Variants in CHD9 observed in about 807,000 individuals in gnomAD.
CHD9 encodes ATP-dependent chromatin remodeler CHD9.
CHD9 carries 77 observed loss-of-function variants against 316.1 expected under a neutral mutation model. That is an observed-to-expected ratio of 0.24 (90% CI 0.20 to 0.29). The LOEUF (loss-of-function observed/expected upper bound fraction) is 0.29. Among genes scored for constraint, CHD9 ranks in the 10% least tolerant of loss-of-function variants. The pLI is 1.00. For missense variants in CHD9, 2,763 were observed against 3,438.1 expected (o/e 0.80, Z 4.91); for synonymous variants, 1,129 against 1,158.3 (o/e 0.97, Z 0.51).
chr16:53,207,960 G>T (rs2046014359), intron 2 of CHD9: 1 of 847,834 alleles, frequency 1.2e-6, no homozygotes, highest in Non-Finnish European at 1.4e-6. Context: ...TCCGCAGAAG[G>T]AGTCAGTATT....
intron 11 of CHD9, among the ~76,000 whole-genome samples, chr16:53,236,133 A>G (rs1053047713): frequency 2.0e-5 from 3 of 152,132 alleles, no homozygotes; most frequent in Non-Finnish European, 4.4e-5. Flanking sequence ...ATTTTTCCCA[A>G]GAGAACCATC....
chr16:53,174,586 T>C (rs1260610950), intron 2 of CHD9, among the ~76,000 whole-genome samples: 2 of 152,136 alleles, frequency 1.3e-5, no homozygotes, highest in African/African-American at 4.8e-5. Context: ...TTTTCTGCCC[T>C]TGTACTTTTA....
At position 53,209,540 on chromosome 16, in the gene CHD9, A is replaced by G. The variant is rs1597441893; in HGVS notation, c.1511A>G (p.Gln504Arg). ...ACATATACTAAGTTGCAGAATACCCAGGTGAGGGTCATGTCTGAGAAGAAG... is the reference window on the plus strand; with the variant it reads ...ACATATACTAAGTTGCAGAATACCCGGGTGAGGGTCATGTCTGAGAAGAAG... ...SGTYTKLQNT[Q>R]VRVMSEKKQR... is the part of the protein sequence containing the mutation. The change falls in exon 3 of 39, where the codon CAG becomes CGG. Residue 504 changes from glutamine (Q) to arginine (R), a missense_variant. Transcript: ENST00000447540. 11 of 1,613,794 alleles carry G rather than the reference A, an allele frequency of 6.8e-6. No individual in the cohort carries two copies. In the East Asian group the frequency reaches 2.5e-4, roughly 36 times the overall value.
rs79973035 is a variant in CHD9, at chr16:53,255,635, G to A, written c.4065G>A (p.Leu1355=). The A allele has an allele frequency of 7.4e-4, 1,202 of 1,613,684 alleles. 12 individuals are homozygous for A. The East Asian group carries it at 0.026, about 34-fold the overall frequency. The stretch of plus-strand genomic sequence containing the variant: ...TTTCCAAAAAGGAAATAGAAGATCT[G>A]CTTCGAAGAGGTGCTTATGGTGCTA... ...QQLSKKEIED[L]LRRGAYGAIM... Residue 1355 remains leucine, a synonymous_variant, in exon 19 of 39, where the codon CTG becomes CTA. Transcript: ENST00000447540.
At chr16:53,208,414 A>G (rs781775941) in intron 2 of CHD9, 138 of 1,251,946 alleles carry the variant, frequency 1.1e-4, no homozygotes, top group Non-Finnish European at 1.4e-4. Flanking sequence ...ATGGGATTGA[A>G]TAACCTTCCT....
At chr16:53,102,344 G>T (rs1046284808) in intron 1 of CHD9, among the ~76,000 whole-genome samples, 4 of 152,138 alleles carry the variant, frequency 2.6e-5, no homozygotes, top group Admixed American at 6.5e-5. Context: ...TCCCTGTGTT[G>T]AGTACAGTGT....
intron 19 of CHD9, among the ~76,000 whole-genome samples, chr16:53,259,923 C>T (rs140987686): frequency 6.6e-6 from 1 of 152,310 alleles, no homozygotes; most frequent in African/African-American, 2.4e-5. Flanking sequence ...CAGAATAAAA[C>T]CCTATGAATG....
intron 1 of CHD9, among the ~76,000 whole-genome samples, chr16:53,075,830 A>T (rs1272427110): frequency 6.6e-6 from 1 of 152,108 alleles, no homozygotes; most frequent in East Asian, 1.9e-4. Context: ...TCTTTTGAGG[A>T]CCTGACGTAC....
At chr16:53,097,382 TC>T (rs1238578308) in intron 1 of CHD9, among the ~76,000 whole-genome samples, 42 of 50,886 alleles carry the variant, frequency 8.3e-4, no homozygotes, top group African/African-American at 2.5e-3. Flanking sequence ...CTTCCTTCCT[TC>T]CTTCCTTCCT....
intron 1 of CHD9, among the ~76,000 whole-genome samples, chr16:53,096,125 A>C (rs1270964575): frequency 1.3e-5 from 2 of 150,196 alleles, no homozygotes; most frequent in Non-Finnish European, 2.9e-5. Context: ...TGGCACAATC[A>C]TGGGTCACTG....
chr16:53,141,557 T>G (rs940431009), intron 1 of CHD9, among the ~76,000 whole-genome samples: 4 of 152,232 alleles, frequency 2.6e-5, no homozygotes, highest in African/African-American at 7.2e-5. Context: ...CTTTTGGATC[T>G]TAGCTTTTAG....
chr16:53,278,104 G>A (rs1383172220), intron 24 of CHD9, among the ~76,000 whole-genome samples: 3 of 151,896 alleles, frequency 2.0e-5, no homozygotes, highest in South Asian at 2.1e-4. Flanking sequence ...GAAAGAAATC[G>A]TAGATGACAC....
intron 37 of CHD9, among the ~76,000 whole-genome samples, chr16:53,318,733 C>T (rs1207444953): frequency 6.6e-6 from 1 of 152,098 alleles, no homozygotes; most frequent in Non-Finnish European, 1.5e-5. Flanking sequence ...GGGTAGAAGC[C>T]AGAGATGCTG....
intron 2 of CHD9, among the ~76,000 whole-genome samples, chr16:53,166,920 A>G (rs970862892): frequency 1.3e-5 from 2 of 152,178 alleles, no homozygotes; most frequent in South Asian, 4.1e-4. Flanking sequence ...TCATGGGTTC[A>G]TAGAATTTTT....
chr16:53,278,240 C>T (rs1167288404), intron 24 of CHD9, among the ~76,000 whole-genome samples: 1 of 152,076 alleles, frequency 6.6e-6, no homozygotes, highest in African/African-American at 2.4e-5. Context: ...TCATTCTTCA[C>T]AGAACTAGAG....
At chr16:53,279,934 G>A (rs148848291) in intron 24 of CHD9, among the ~76,000 whole-genome samples, 7 of 152,138 alleles carry the variant, frequency 4.6e-5, no homozygotes, top group East Asian at 3.9e-4. Flanking sequence ...GCCCAATATC[G>A]CTAATGATCA....
At chr16:53,262,876 T>C (rs562680311) in intron 19 of CHD9, 111 bp from the exon 20 acceptor site, 5 of 843,316 alleles carry the variant, frequency 5.9e-6, no homozygotes, top group Non-Finnish European at 9.7e-6. Context: ...AAACACCCTT[T>C]GATGTATGAG....
intron 24 of CHD9, among the ~76,000 whole-genome samples, chr16:53,284,980 TG>T (rs2053740033): frequency 6.6e-6 from 1 of 152,116 alleles, no homozygotes. Context: ...TTGCCCAGGC[TG>T]GTCTTGTACT....
chr16:53,323,939 C>A, intron 38 of CHD9, 81 bp from the exon 39 acceptor site: 1 of 1,166,800 alleles, frequency 8.6e-7, no homozygotes, highest in South Asian at 1.5e-5. Context: ...ACCTATTTTT[C>A]ATGGTTATTT....
Sources: gnomAD v4.1 joint callset for allele counts (sites outside exome capture counted in the v4.1 genomes callset) on GRCh38, gnomAD v4.1.1 for gene constraint, MANE v1.5 for transcripts, NCBI Gene and HGNC (gene_info 2026-07-23, HGNC 2026-07-21) for gene names.